The following ENOX2 variants were observed in gnomAD, a reference collection of about 807,000 sequenced individuals.
The protein encoded by ENOX2 is ecto-NOX disulfide-thiol exchanger 2.
ENOX2 carries 36 observed loss-of-function variants against 45.0 expected under a neutral mutation model. The ratio of observed to expected loss-of-function variants is 0.80; its 90% CI spans 0.61 to 1.06. The LOEUF is 1.06. ENOX2 is among the 50% of genes least tolerant of loss of function. The pLI is 0.00. For missense variants in ENOX2, 423 were observed against 462.5 expected (o/e 0.91, Z 0.78); for synonymous variants, 174 against 152.3 (o/e 1.14, Z -1.05).
rs1407317212 is a variant in ENOX2, at chrX:130,679,529, T to G, written c.460+13A>C. On this transcript the variant is annotated intron_variant, in intron 6 of 14. Transcript: ENST00000394363. Reference sequence around the variant, plus strand: ...GTGCCTGGTGGGCACAATCCTCACATCTAAACACCTACCAGACAGATACAG... The same window carrying G: ...GTGCCTGGTGGGCACAATCCTCACAGCTAAACACCTACCAGACAGATACAG... 8.4e-7 allele frequency: 1 copy of G among 1,184,387 alleles called. No individual in the cohort carries two copies. Among genetic ancestry groups the G allele is most frequent in the African/African-American group, 1.8e-5 (1 of 56,738 alleles).
At chrX:130,743,157 A>G (rs906878022) in intron 3 of ENOX2, among the ~76,000 whole-genome samples, 2 of 112,047 alleles carry the variant, frequency 1.8e-5, no homozygotes, top group African/African-American at 6.5e-5. Context: ...ATAATATAAG[A>G]AAAAAAGGTG....
intron 4 of ENOX2, among the ~76,000 whole-genome samples, chrX:130,698,017 C>A (rs1307421592): frequency 9.0e-6 from 1 of 111,291 alleles, no homozygotes; most frequent in Admixed American, 9.6e-5. Context: ...GGAGATAGGA[C>A]CTCGTTCTTT....
chrX:130,739,525 A>G (rs1024994695), intron 3 of ENOX2, among the ~76,000 whole-genome samples: 4 of 112,747 alleles, frequency 3.5e-5, no homozygotes, highest in Non-Finnish European at 5.6e-5. Flanking sequence ...CTAGACAATT[A>G]AAAATGGTTA....
At chrX:130,838,156 G>A (rs899132820) in intron 2 of ENOX2, among the ~76,000 whole-genome samples, 6 of 111,813 alleles carry the variant, frequency 5.4e-5, no homozygotes, top group East Asian at 2.8e-4. Flanking sequence ...TGAAGTGGGC[G>A]GATCACTTGA....
intron 3 of ENOX2, among the ~76,000 whole-genome samples, chrX:130,753,960 G>A (rs770608046): frequency 1.8e-5 from 2 of 111,502 alleles, no homozygotes; most frequent in East Asian, 2.8e-4. Flanking sequence ...AGCTAGATAG[G>A]AGGAATGAGT....
intron 6 of ENOX2, among the ~76,000 whole-genome samples, chrX:130,671,546 G>A (rs1382132508): frequency 8.9e-6 from 1 of 111,820 alleles, no homozygotes; most frequent in Non-Finnish European, 1.9e-5. Context: ...AAGCTGCACA[G>A]AGAAAGAGCT....
At chrX:130,811,667 A>C (rs1389000884) in intron 2 of ENOX2, among the ~76,000 whole-genome samples, 2 of 112,641 alleles carry the variant, frequency 1.8e-5, no homozygotes, top group Non-Finnish European at 3.7e-5. Flanking sequence ...GATCAAGGAA[A>C]TACAATCCCA....
At chrX:130,709,212 G>A (rs1290135661) in intron 3 of ENOX2, 1 of 1,161,243 alleles carries the variant, frequency 8.6e-7, no homozygotes, top group East Asian at 3.0e-5. Context: ...AACTCTACAA[G>A]AACTCAGCAA....
intron 3 of ENOX2, among the ~76,000 whole-genome samples, chrX:130,751,934 G>GT (rs1304192399): frequency 1.8e-5 from 2 of 111,439 alleles, no homozygotes; most frequent in Non-Finnish European, 3.8e-5. Flanking sequence ...TTGTTGAGTT[G>GT]TAAGAGTCCT....
chrX:130,821,741 T>TAAAAAA (rs1569505783), intron 2 of ENOX2, among the ~76,000 whole-genome samples: 20 of 24,176 alleles, frequency 8.3e-4, no homozygotes, highest in African/African-American at 1.1e-3. Context: ...AATAAATAAA[T>TAAAAAA]TAAAAAAAAA....
chrX:130,667,616 A>T lies in ENOX2; in HGVS notation c.821T>A (p.Leu274Gln). The T allele has an allele frequency of 8.3e-7, 1 of 1,211,786 alleles. No individual in the cohort carries two copies. Among genetic ancestry groups the T allele is most frequent in the Non-Finnish European group, 1.1e-6 (1 of 895,330 alleles). ...CTCATGGGCAGCTTTCTCGTTCACC[A>T]GGCGGCGGACATGGCTGTTGGCCGA... ...IQSANSHVRR[L>Q]VNEKAAHEKD... Residue 274 changes from leucine to glutamine, a missense_variant, in exon 8 of 15, where the codon CTG (leucine) becomes CAG (glutamine). Leu to Gln is a moderately radical substitution (Grantham distance 113). This residue lies in a region of ENOX2 where 261 missense variants were observed against 306.8 expected (regional missense o/e 0.85). Transcript: ENST00000394363.
At chrX:130,752,669 T>C (rs2039253757) in intron 3 of ENOX2, among the ~76,000 whole-genome samples, 1 of 111,111 alleles carries the variant, frequency 9.0e-6, no homozygotes, top group Admixed American at 9.6e-5. Flanking sequence ...CGTCTTCCTG[T>C]TTTTCTGCCT....
chrX:130,895,994 T>C (rs1475234470), intron 2 of ENOX2, among the ~76,000 whole-genome samples: 1 of 112,736 alleles, frequency 8.9e-6, no homozygotes, highest in Non-Finnish European at 1.9e-5. Context: ...TAGGTCTTTC[T>C]GACTAAACTG....
intron 3 of ENOX2, among the ~76,000 whole-genome samples, chrX:130,723,613 G>A (rs2038534405): frequency 8.9e-6 from 1 of 112,037 alleles, no homozygotes; most frequent in African/African-American, 3.2e-5. Flanking sequence ...TTTTCAGTAC[G>A]TTTTTCTTTA....
At chrX:130,838,116 C>G (rs1320795671) in intron 2 of ENOX2, among the ~76,000 whole-genome samples, 1 of 112,307 alleles carries the variant, frequency 8.9e-6, no homozygotes, top group African/African-American at 3.2e-5. Flanking sequence ...CATGATGGCT[C>G]ATGCCTGTAA....
intron 2 of ENOX2, among the ~76,000 whole-genome samples, chrX:130,866,091 G>T (rs2148544524): frequency 9.0e-6 from 1 of 111,115 alleles, no homozygotes; most frequent in East Asian, 2.8e-4. Context: ...ACTTAAAATG[G>T]GTTTCCCTGT....
At chrX:130,783,890 G>A (rs1194400136) in intron 2 of ENOX2, among the ~76,000 whole-genome samples, 200 bp from the exon 3 acceptor site, 1 of 111,806 alleles carries the variant, frequency 8.9e-6, no homozygotes, top group Non-Finnish European at 1.9e-5. Context: ...ATAAGACTGT[G>A]GCTCTGTCAT....
At chrX:130,642,726 C>T (rs2036122456) in intron 10 of ENOX2, among the ~76,000 whole-genome samples, 2 of 112,080 alleles carry the variant, frequency 1.8e-5, no homozygotes, top group South Asian at 7.4e-4. Context: ...AAAATTCTCC[C>T]CCAGCAAAAA....
At chrX:130,725,407 T>C (rs2038581504) in intron 3 of ENOX2, among the ~76,000 whole-genome samples, 1 of 106,930 alleles carries the variant, frequency 9.4e-6, no homozygotes, top group African/African-American at 3.4e-5. Context: ...CAGGATAACA[T>C]GGAGCTCTCC....
Sources: allele counts gnomAD v4.1 joint callset (sites outside exome capture counted in the v4.1 genomes callset), GRCh38; gene constraint gnomAD v4.1.1; regional missense constraint gnomAD v4.1.1; transcripts MANE v1.5; gene names NCBI Gene and HGNC (gene_info 2026-07-23, HGNC 2026-07-21).